SAMD3: variants seen among roughly 807,000 people sequenced by gnomAD.
The protein encoded by SAMD3 is sterile alpha motif domain-containing protein 3.
Under a neutral mutation model 58.5 loss-of-function variants are expected in SAMD3, and 63 were observed. The observed-to-expected ratio is 1.08, with a 90% CI of 0.88 to 1.33. The LOEUF (loss-of-function observed/expected upper bound fraction) is 1.33, where lower values mean the gene tolerates loss of function less well. SAMD3 is among the 40% of genes most tolerant of loss of function. The probability of loss-of-function intolerance (pLI) is 0.00; values close to 1 mark genes in which losing one functional copy is unlikely to be tolerated. For synonymous variants in SAMD3, 220 were observed against 210.3 expected (o/e 1.05, Z -0.40); for missense variants, 604 against 608.4 (o/e 0.99, Z 0.08).
intron 1 of SAMD3, among the ~76,000 whole-genome samples, chr6:130,327,854 G>A (rs114781757): frequency 0.019 from 2,902 of 152,200 alleles, 89 homozygotes; most frequent in African/African-American, 0.065. Flanking sequence ...AAACCTATAC[G>A]TGAAGAGATC....
chr6:130,360,005 G>A (rs1777938383), intron 1 of SAMD3, among the ~76,000 whole-genome samples: 1 of 152,140 alleles, frequency 6.6e-6, no homozygotes, highest in African/African-American at 2.4e-5. Flanking sequence ...TCTTAAGCTG[G>A]GCACTTGTGT....
At chr6:130,355,366 A>G (rs1777795367) in intron 1 of SAMD3, among the ~76,000 whole-genome samples, 1 of 152,160 alleles carries the variant, frequency 6.6e-6, no homozygotes, top group South Asian at 2.1e-4. Flanking sequence ...GGAGGTTGCA[A>G]TGAGCTGATA....
At chr6:130,283,419 A>T (rs910674867) in intron 2 of SAMD3, among the ~76,000 whole-genome samples, 2 of 152,210 alleles carry the variant, frequency 1.3e-5, no homozygotes, top group Admixed American at 1.3e-4. Context: ...TGAGCAGGCT[A>T]AATAAAAATA....
chr6:130,159,852 A>G (rs548966746), intron 8 of SAMD3: 1 of 152,352 alleles, frequency 6.6e-6, no homozygotes, highest in Non-Finnish European at 1.5e-5. Flanking sequence ...CAGACACTTT[A>G]CAGAGGAGGA....
At chr6:130,183,552 G>T in intron 7 of SAMD3, 1 of 382,156 alleles carries the variant, frequency 2.6e-6, no homozygotes, top group Non-Finnish European at 5.1e-6. Context: ...CTCTTTCTAT[G>T]TGTCACATCT....
intron 2 of SAMD3, among the ~76,000 whole-genome samples, chr6:130,279,263 G>A (rs1237198337): frequency 6.6e-6 from 1 of 152,088 alleles, no homozygotes; most frequent in African/African-American, 2.4e-5. Context: ...TGTGTCATGA[G>A]AGGGTCCCAG....
intron 2 of SAMD3, among the ~76,000 whole-genome samples, chr6:130,251,564 G>A (rs926585619): frequency 2.0e-5 from 3 of 151,936 alleles, no homozygotes; most frequent in African/African-American, 7.2e-5. Context: ...TATGAGGTGA[G>A]GAAAAAATGG....
chr6:130,178,036 G>A (rs563995890), intron 7 of SAMD3, among the ~76,000 whole-genome samples: 6 of 151,936 alleles, frequency 3.9e-5, no homozygotes, highest in African/African-American at 9.7e-5. Context: ...GTGCAATGGC[G>A]CAATCTTGGC....
At chr6:130,175,282 C>T (rs1293321287) in intron 8 of SAMD3, among the ~76,000 whole-genome samples, 4 of 152,152 alleles carry the variant, frequency 2.6e-5, no homozygotes, top group Admixed American at 1.3e-4. Context: ...ATTCCCATGA[C>T]CTCCCAGGTG....
intron 9 of SAMD3, 99 bp from the exon 10 acceptor site, chr6:130,146,280 G>T: frequency 1.6e-6 from 1 of 639,874 alleles, no homozygotes; most frequent in Non-Finnish European, 2.4e-6. Context: ...TTTGAATGCT[G>T]GTTTACACTA....
Position 130,161,325 on chromosome 6 carries a change from AAAT to A in SAMD3, c.823-6303_823-6301del, listed in dbSNP as rs540885328. On this transcript the variant is annotated intron_variant, in intron 8 of 11. Transcript: ENST00000439090. Reference sequence around the variant, plus strand: ...ATTTTAATTTTTTAAAGTACAGAAAAAATGTTTTAATTATCTAAATGGCTTTCT... The same window carrying A: ...ATTTTAATTTTTTAAAGTACAGAAAAGTTTTAATTATCTAAATGGCTTTCT... The A allele has an allele frequency of 1.2e-4, 18 of 152,344 alleles. 1 individual carries two copies. In the South Asian group the frequency reaches 3.7e-3, roughly 32 times the overall value. The allele number at this position is 152,344 out of a possible 1,614,324, so 9.4% of individuals were successfully genotyped here.
chr6:130,248,853 C>G (rs923267137), intron 2 of SAMD3, among the ~76,000 whole-genome samples: 3 of 152,122 alleles, frequency 2.0e-5, no homozygotes, highest in African/African-American at 4.8e-5. Context: ...GAATCCTGCT[C>G]TTATTCCTGG....
intron 4 of SAMD3, among the ~76,000 whole-genome samples, chr6:130,212,328 C>T (rs1037251888): frequency 2.6e-5 from 4 of 152,144 alleles, no homozygotes. Flanking sequence ...ATAATTTAAT[C>T]TAAATACAAG....
chr6:130,244,419 T>C (rs1189562107), intron 2 of SAMD3, among the ~76,000 whole-genome samples: 1 of 152,180 alleles, frequency 6.6e-6, no homozygotes, highest in East Asian at 1.9e-4. Flanking sequence ...TTAATATTTC[T>C]GTGACTTAGT....
intron 2 of SAMD3, among the ~76,000 whole-genome samples, chr6:130,229,550 G>A (rs902067325): frequency 6.6e-6 from 1 of 152,132 alleles, no homozygotes; most frequent in Non-Finnish European, 1.5e-5. Context: ...CCTGTGTGCT[G>A]ACACTTTCTT....
At chr6:130,167,778 C>T (rs1043134023) in intron 8 of SAMD3, among the ~76,000 whole-genome samples, 1 of 152,096 alleles carries the variant, frequency 6.6e-6, no homozygotes, top group African/African-American at 2.4e-5. Context: ...TACATGCAGC[C>T]ACATGAGGTC....
chr6:130,215,932 C>G, intron 2 of SAMD3: 2 of 1,110,182 alleles, frequency 1.8e-6, no homozygotes, highest in Non-Finnish European at 2.6e-6. Flanking sequence ...CAATACTATT[C>G]TTACATACCC....
chr6:130,290,222 G>A (rs758655508), intron 2 of SAMD3, among the ~76,000 whole-genome samples: 5 of 152,160 alleles, frequency 3.3e-5, no homozygotes, highest in East Asian at 1.9e-4. Flanking sequence ...GTGATTATGC[G>A]GACTGGCAAG....
At chr6:130,340,416 A>G (rs1777233684) in intron 1 of SAMD3, among the ~76,000 whole-genome samples, 1 of 152,210 alleles carries the variant, frequency 6.6e-6, no homozygotes, top group South Asian at 2.1e-4. Context: ...TTTTGCTTAT[A>G]AGGATCCTGA....
Sources: allele counts gnomAD v4.1 joint callset (sites outside exome capture counted in the v4.1 genomes callset), GRCh38; gene constraint gnomAD v4.1.1; transcripts MANE v1.5; gene names NCBI Gene and HGNC (gene_info 2026-07-23, HGNC 2026-07-21).